Variants in GPM6A observed in about 807,000 individuals in gnomAD.
GPM6A encodes the protein glycoprotein M6A.
GPM6A carries 7 observed loss-of-function variants against 32.1 expected under a neutral mutation model. The observed-to-expected ratio is 0.22, with a 90% CI of 0.12 to 0.41. The LOEUF (loss-of-function observed/expected upper bound fraction) is 0.41. Ranked by LOEUF, GPM6A falls within the 10% of genes least tolerant of loss-of-function variation. The pLI is 1.00. For missense variants in GPM6A, 235 were observed against 347.2 expected (o/e 0.68, Z 2.57); for synonymous variants, 130 against 123.4 (o/e 1.05, Z -0.35).
At chr4:175,819,955 T>C (rs1735223527) in intron 1 of GPM6A, among the ~76,000 whole-genome samples, 2 of 152,178 alleles carry the variant, frequency 1.3e-5, no homozygotes, top group Admixed American at 6.5e-5. Context: ...TAATACTCAG[T>C]TTAAACAGCA....
chr4:175,713,022 T>C (rs1225923021), intron 1 of GPM6A, among the ~76,000 whole-genome samples: 2 of 152,096 alleles, frequency 1.3e-5, no homozygotes, highest in Non-Finnish European at 2.9e-5. Context: ...GAGTTCAAAA[T>C]TATCCAAAGA....
chr4:175,945,791 C>T (rs1368568973), intron 1 of GPM6A, among the ~76,000 whole-genome samples: 1 of 147,356 alleles, frequency 6.8e-6, no homozygotes, highest in Non-Finnish European at 1.5e-5. Flanking sequence ...CTCAGTAATA[C>T]GGGTGCATAT....
intron 1 of GPM6A, among the ~76,000 whole-genome samples, chr4:175,888,347 C>G (rs1215644080): frequency 6.6e-6 from 1 of 151,912 alleles, no homozygotes; most frequent in Non-Finnish European, 1.5e-5. Context: ...TTATAAGAAA[C>G]AGCATACTAC....
At chr4:175,652,769 G>T (rs1007500236) in intron 3 of GPM6A, among the ~76,000 whole-genome samples, 1 of 152,164 alleles carries the variant, frequency 6.6e-6, no homozygotes, top group Admixed American at 6.6e-5. Context: ...CTGGATAAAA[G>T]GACATGTAGA....
intron 1 of GPM6A, among the ~76,000 whole-genome samples, chr4:175,834,037 A>G (rs1735691841): frequency 6.6e-6 from 1 of 152,130 alleles, no homozygotes; most frequent in Non-Finnish European, 1.5e-5. Context: ...TAGCTACCCT[A>G]CTAGATATCA....
At chr4:175,841,093 C>T (rs1022260059) in intron 1 of GPM6A, among the ~76,000 whole-genome samples, 16 of 152,256 alleles carry the variant, frequency 1.1e-4, no homozygotes, top group Admixed American at 7.8e-4. Flanking sequence ...TAATCTGTCT[C>T]TCTATAAAAA....
intron 1 of GPM6A, among the ~76,000 whole-genome samples, chr4:175,894,217 T>A (rs1393041726): frequency 2.0e-5 from 3 of 152,114 alleles, no homozygotes; most frequent in African/African-American, 7.2e-5. Flanking sequence ...GAATTACATT[T>A]TTTTTTAGTT....
intron 1 of GPM6A, among the ~76,000 whole-genome samples, chr4:175,935,995 G>A (rs1308848241): frequency 6.8e-6 from 1 of 147,276 alleles, no homozygotes; most frequent in Non-Finnish European, 1.5e-5. Context: ...TAAATATTTA[G>A]TAAAAAAAAA....
chr4:175,759,488 C>T (rs1732658332), intron 1 of GPM6A, among the ~76,000 whole-genome samples: 1 of 152,084 alleles, frequency 6.6e-6, no homozygotes, highest in Admixed American at 6.6e-5. Context: ...AGGGTCTTTT[C>T]CTTTTCCTTA....
chr4:175,740,842 AAAGGCATTTTT>A (rs1400545150), intron 1 of GPM6A, among the ~76,000 whole-genome samples: 1 of 152,054 alleles, frequency 6.6e-6, no homozygotes, highest in Non-Finnish European at 1.5e-5. Flanking sequence ...AAAATGGATG[AAAGGCATTTTT>A]AAGGCAGGGC....
intron 2 of GPM6A, among the ~76,000 whole-genome samples, chr4:175,696,469 C>A (rs1007536184): frequency 6.6e-6 from 1 of 151,908 alleles, no homozygotes; most frequent in East Asian, 1.9e-4. Flanking sequence ...TTAAAAACAC[C>A]CATTTGAGGA....
intron 1 of GPM6A, among the ~76,000 whole-genome samples, chr4:175,887,107 A>G (rs941348657): frequency 1.3e-5 from 2 of 152,012 alleles, no homozygotes; most frequent in Non-Finnish European, 2.9e-5. Flanking sequence ...GAAACCTGGT[A>G]CCCAATAATT....
chr4:175,657,301 T>C (rs1184222764), intron 3 of GPM6A, among the ~76,000 whole-genome samples: 1 of 152,182 alleles, frequency 6.6e-6, no homozygotes. Flanking sequence ...GCTGAGGGAA[T>C]GCAACTTCTA....
intron 1 of GPM6A, among the ~76,000 whole-genome samples, chr4:175,840,754 T>G (rs2111384624): frequency 6.6e-6 from 1 of 151,964 alleles, no homozygotes; most frequent in South Asian, 2.1e-4. Context: ...AAGAGAAAAG[T>G]GTTAATGATA....
intron 1 of GPM6A, among the ~76,000 whole-genome samples, chr4:175,825,374 C>G (rs1735401344): frequency 6.6e-6 from 1 of 152,148 alleles, no homozygotes; most frequent in Non-Finnish European, 1.5e-5. Context: ...GTCATTAATT[C>G]ATTGATTATA....
intron 1 of GPM6A, among the ~76,000 whole-genome samples, chr4:175,727,148 T>C (rs1240261084): frequency 6.6e-6 from 1 of 152,066 alleles, no homozygotes; most frequent in Non-Finnish European, 1.5e-5. Context: ...GAAAGGAAAA[T>C]AGCACTAATT....
At chr4:175,639,254 A>G (rs1481689732) in intron 6 of GPM6A, among the ~76,000 whole-genome samples, 1 of 152,148 alleles carries the variant, frequency 6.6e-6, no homozygotes, top group Non-Finnish European at 1.5e-5. Flanking sequence ...TTTTCTCATC[A>G]TTCTTATTTT....
Position 175,925,913 on chromosome 4 carries a change from G to A in GPM6A, c.-23+76396C>T, listed in dbSNP as rs146103873. On this transcript the variant is annotated intron_variant, in intron 1 of 7. Transcript: ENST00000280187. The stretch of plus-strand genomic sequence containing the variant: ...GTCATCCAGGCTGAAGTGCAATGGC[G>A]TGAGGTCAGCTCACTGTAACCTCTG... 5.5e-3 allele frequency among the ~76,000 whole-genome samples: 812 copies of A among 147,620 alleles called. 4 individuals are homozygous for A. Among genetic ancestry groups the A allele is most frequent in the Non-Finnish European group, 8.5e-3 (572 of 67,524 alleles).
intron 1 of GPM6A, among the ~76,000 whole-genome samples, chr4:175,909,041 G>GC (rs1456104460): frequency 4.1e-5 from 2 of 48,314 alleles, no homozygotes; most frequent in East Asian, 8.3e-4. Flanking sequence ...AAAAAAAAGG[G>GC]CGGGGGGGGG....
Sources: allele counts gnomAD v4.1 joint callset (sites outside exome capture counted in the v4.1 genomes callset), GRCh38; gene constraint gnomAD v4.1.1; transcripts MANE v1.5; gene names NCBI Gene and HGNC (gene_info 2026-07-23, HGNC 2026-07-21).